Variants in CACNA2D1 observed in about 807,000 individuals in gnomAD.
The protein encoded by CACNA2D1 is voltage-dependent calcium channel subunit alpha-2/delta-1.
A neutral mutation model predicts 171.5 loss-of-function variants in CACNA2D1; 53 were observed. That is an observed-to-expected ratio of 0.31 (90% confidence interval 0.25 to 0.39). The LOEUF is 0.39. Ranked by LOEUF, CACNA2D1 falls within the 10% of genes least tolerant of loss-of-function variation. CACNA2D1 has a pLI of 1.00. For synonymous variants in CACNA2D1, 442 were observed against 443.1 expected (o/e 1.00, Z 0.03); for missense variants, 903 against 1,299.8 (o/e 0.69, Z 4.69).
At chr7:81,975,278 A>T (rs1562805442) in intron 24 of CACNA2D1, among the ~76,000 whole-genome samples, 1 of 152,214 alleles carries the variant, frequency 6.6e-6, no homozygotes, top group Admixed American at 6.6e-5. Flanking sequence ...ACAATAAAAA[A>T]GCCCAGAAAT....
chr7:82,440,594 C>T (rs946017983), intron 1 of CACNA2D1, among the ~76,000 whole-genome samples: 11 of 151,888 alleles, frequency 7.2e-5, no homozygotes, highest in African/African-American at 2.4e-4. Context: ...AAAGAAACAC[C>T]TAACCCAGAG....
At chr7:82,179,576 G>A (rs1268972693) in intron 3 of CACNA2D1, among the ~76,000 whole-genome samples, 5 of 152,022 alleles carry the variant, frequency 3.3e-5, no homozygotes, top group African/African-American at 4.8e-5. Flanking sequence ...AACCTAAGTT[G>A]CCCTAAAATG....
intron 3 of CACNA2D1, among the ~76,000 whole-genome samples, chr7:82,265,269 T>C (rs1807678611): frequency 6.6e-6 from 1 of 152,220 alleles, no homozygotes; most frequent in Non-Finnish European, 1.5e-5. Flanking sequence ...CAAAGCACTA[T>C]TTCTCAGATT....
intron 3 of CACNA2D1, among the ~76,000 whole-genome samples, chr7:82,281,893 T>C (rs969099429): frequency 1.2e-4 from 18 of 152,100 alleles, no homozygotes; most frequent in African/African-American, 4.3e-4. Flanking sequence ...ACTTAGGATG[T>C]TTTTCATGAT....
At chr7:82,362,200 A>T (rs1012578415) in intron 1 of CACNA2D1, among the ~76,000 whole-genome samples, 3 of 152,174 alleles carry the variant, frequency 2.0e-5, no homozygotes, top group Non-Finnish European at 4.4e-5. Flanking sequence ...AAACATCAAC[A>T]TTCCAAATGA....
chr7:82,042,092 A>C (rs1417743245), intron 10 of CACNA2D1, among the ~76,000 whole-genome samples: 1 of 152,184 alleles, frequency 6.6e-6, no homozygotes, highest in African/African-American at 2.4e-5. Context: ...CTATAATTGC[A>C]CTCATAGTAA....
chr7:82,069,877 G>A (rs935169267), intron 7 of CACNA2D1, among the ~76,000 whole-genome samples: 4 of 152,004 alleles, frequency 2.6e-5, no homozygotes, highest in African/African-American at 7.2e-5. Flanking sequence ...TTAGTCTCAT[G>A]ATAATTTTAA....
At chr7:82,026,216 T>A (rs1211146660) in intron 12 of CACNA2D1, among the ~76,000 whole-genome samples, 1 of 151,592 alleles carries the variant, frequency 6.6e-6, no homozygotes, top group Non-Finnish European at 1.5e-5. Flanking sequence ...TATAGTGTGG[T>A]TTTGTTTTTT....
At chr7:82,362,149 T>C (rs1462053090) in intron 1 of CACNA2D1, among the ~76,000 whole-genome samples, 1 of 152,158 alleles carries the variant, frequency 6.6e-6, no homozygotes. Context: ...ACCATCTTTA[T>C]GAAATATAAA....
intron 32 of CACNA2D1, 58 bp from the exon 33 acceptor site, chr7:81,964,417 C>T: frequency 1.5e-6 from 2 of 1,330,920 alleles, no homozygotes; most frequent in South Asian, 2.4e-5. Flanking sequence ...CAAAAATGAA[C>T]ACGGGAATCA....
chr7:82,310,323 T>TA (rs1256651616), intron 3 of CACNA2D1, among the ~76,000 whole-genome samples: 2 of 151,770 alleles, frequency 1.3e-5, no homozygotes, highest in Non-Finnish European at 2.9e-5. Flanking sequence ...TTATAAAAGG[T>TA]ATGAGGATGT....
chr7:82,374,607 AAAAT>A (rs1367163170), intron 1 of CACNA2D1, among the ~76,000 whole-genome samples: 1 of 152,216 alleles, frequency 6.6e-6, no homozygotes, highest in African/African-American at 2.4e-5. Flanking sequence ...AATAAATGGA[AAAAT>A]AAATAAAGCC....
intron 7 of CACNA2D1, among the ~76,000 whole-genome samples, chr7:82,071,117 A>C (rs1441092748): frequency 6.6e-6 from 1 of 152,150 alleles, no homozygotes; most frequent in Non-Finnish European, 1.5e-5. Flanking sequence ...GATCTGCGGC[A>C]ATGCTGTAGT....
intron 3 of CACNA2D1, among the ~76,000 whole-genome samples, chr7:82,193,206 ATAAT>A (rs984078834): frequency 6.6e-6 from 1 of 151,992 alleles, no homozygotes; most frequent in African/African-American, 2.4e-5. Context: ...GGTACGATAA[ATAAT>A]TAAATACTAT....
intron 10 of CACNA2D1, among the ~76,000 whole-genome samples, chr7:82,059,922 C>G (rs36167844): frequency 0.04 from 4,750 of 118,748 alleles, 144 homozygotes; most frequent in Non-Finnish European, 0.062. Flanking sequence ...CGCATGTTCT[C>G]ACTCATAGGT....
At chr7:81,989,983 G>A (rs1797368717) in intron 21 of CACNA2D1, among the ~76,000 whole-genome samples, 2 of 152,134 alleles carry the variant, frequency 1.3e-5, no homozygotes, top group East Asian at 1.9e-4. Context: ...CCTGAGAGTT[G>A]GATGAAAAAT....
At chr7:81,967,862 A>G (rs769205599) in intron 29 of CACNA2D1, among the ~76,000 whole-genome samples, 199 bp from the exon 30 acceptor site, 6 of 151,550 alleles carry the variant, frequency 4.0e-5, no homozygotes, top group Non-Finnish European at 5.9e-5. Context: ...TGTATTCATT[A>G]GCCACAACCT....
rs1188026188 is a variant in CACNA2D1, at chr7:82,157,770, T to A, written c.354+12780A>T. ...ACAACTTTCATTCTGTAATCTACCC[T>A]CTCCTGAGTGTAACTAATGCTCTTT... On this transcript the variant is annotated intron_variant, in intron 4 of 38. Coordinates refer to ENST00000356860, the MANE Select transcript of CACNA2D1 (RefSeq NM_000722.4). Among the ~76,000 whole-genome samples, 3 of 151,994 alleles carry A rather than the reference T, an allele frequency of 2.0e-5. No individual in the cohort carries two copies. In the East Asian group the frequency reaches 5.8e-4, roughly 29 times the overall value.
chr7:82,277,501 C>T (rs1809506997), intron 3 of CACNA2D1, among the ~76,000 whole-genome samples: 1 of 151,994 alleles, frequency 6.6e-6, no homozygotes. Context: ...CGCCCAACCC[C>T]CTTTTTTTAT....
Sources: gnomAD v4.1 joint callset for allele counts (sites outside exome capture counted in the v4.1 genomes callset) on GRCh38, gnomAD v4.1.1 for gene constraint, MANE v1.5 for transcripts, NCBI Gene and HGNC (gene_info 2026-07-23, HGNC 2026-07-21) for gene names.